The following AGBL4 variants were observed in gnomAD, a reference collection of about 807,000 sequenced individuals.
AGBL4 encodes AGBL carboxypeptidase 4, also known as cytosolic carboxypeptidase 6.
A neutral mutation model predicts 66.4 loss-of-function variants in AGBL4; 58 were observed. The observed-to-expected ratio is 0.87, with a 90% CI of 0.71 to 1.09. The LOEUF (loss-of-function observed/expected upper bound fraction) is 1.09, where lower values mean the gene tolerates loss of function less well. AGBL4 is among the 50% of genes least tolerant of loss of function. The pLI is 0.00. For missense variants in AGBL4, 579 were observed against 631.0 expected, an observed-to-expected ratio of 0.92 and a Z score of 0.88; for synonymous variants, 234 against 222.9, an observed-to-expected ratio of 1.05 and a Z score of -0.44.
At chr1:48,826,625 GA>G (rs1646432014) in intron 6 of AGBL4, among the ~76,000 whole-genome samples, 1 of 152,244 alleles carries the variant, frequency 6.6e-6, no homozygotes. Context: ...GAGGAGGCTG[GA>G]AAGTTAGAGG....
chr1:49,785,688 A>G (rs971971971), intron 2 of AGBL4, among the ~76,000 whole-genome samples: 1 of 151,796 alleles, frequency 6.6e-6, no homozygotes, highest in Non-Finnish European at 1.5e-5. Context: ...GTTGAAAACT[A>G]TTTCCAATGG....
At chr1:49,978,235 G>A (rs555496889) in intron 1 of AGBL4, among the ~76,000 whole-genome samples, 1 of 152,202 alleles carries the variant, frequency 6.6e-6, no homozygotes, top group South Asian at 2.1e-4. Context: ...GATTGCTTGA[G>A]GCCAGGAATT....
At chr1:49,771,094 T>C (rs969839310) in intron 2 of AGBL4, among the ~76,000 whole-genome samples, 3 of 152,140 alleles carry the variant, frequency 2.0e-5, no homozygotes, top group African/African-American at 7.2e-5. Context: ...CATGATTAGG[T>C]TATTCATTAG....
At chr1:49,345,145 TA>T (rs1173010430) in intron 3 of AGBL4, among the ~76,000 whole-genome samples, 6 of 152,184 alleles carry the variant, frequency 3.9e-5, no homozygotes, top group Non-Finnish European at 8.8e-5. Context: ...TTGTCAAATA[TA>T]AAACACTGTT....
At chr1:49,759,153 T>A (rs964488702) in intron 2 of AGBL4, among the ~76,000 whole-genome samples, 9 of 152,200 alleles carry the variant, frequency 5.9e-5, no homozygotes, top group African/African-American at 2.2e-4. Flanking sequence ...GCCAGGCAGA[T>A]CTGTGAGTCT....
intron 6 of AGBL4, among the ~76,000 whole-genome samples, chr1:48,862,018 CA>C (rs1460532768): frequency 6.6e-6 from 1 of 152,192 alleles, no homozygotes; most frequent in Non-Finnish European, 1.5e-5. Flanking sequence ...ACACTCTTTA[CA>C]GGGCAAATTT....
chr1:48,682,410 CTTTTT>C (rs529391743), intron 6 of AGBL4, among the ~76,000 whole-genome samples: 1 of 140,666 alleles, frequency 7.1e-6, no homozygotes, highest in Non-Finnish European at 1.6e-5. Flanking sequence ...CAGCACATCT[CTTTTT>C]TTTTTTTTTT....
At chr1:49,875,056 A>C (rs1204491977) in intron 1 of AGBL4, among the ~76,000 whole-genome samples, 1 of 144,860 alleles carries the variant, frequency 6.9e-6, no homozygotes, top group Non-Finnish European at 1.5e-5. Flanking sequence ...ATTTCCACCT[A>C]TGAGTGAGAA....
At chr1:49,441,063 T>C (rs1646017940) in intron 3 of AGBL4, among the ~76,000 whole-genome samples, 1 of 152,054 alleles carries the variant, frequency 6.6e-6, no homozygotes, top group South Asian at 2.1e-4. Flanking sequence ...GGCAAAATAA[T>C]GTTCATTCTC....
chr1:49,850,548 A>C (rs141053909), intron 2 of AGBL4, among the ~76,000 whole-genome samples: 7 of 152,152 alleles, frequency 4.6e-5, no homozygotes, highest in African/African-American at 1.7e-4. Context: ...GCCTTATCAA[A>C]CCTATACAAT....
At chr1:48,750,916 C>A (rs1238445576) in intron 6 of AGBL4, among the ~76,000 whole-genome samples, 1 of 152,070 alleles carries the variant, frequency 6.6e-6, no homozygotes, top group East Asian at 1.9e-4. Context: ...CTCAGAGTAC[C>A]CCCTGGAGCA....
At chr1:49,707,115 C>T (rs548246003) in intron 2 of AGBL4, among the ~76,000 whole-genome samples, 15 of 151,970 alleles carry the variant, frequency 9.9e-5, no homozygotes, top group South Asian at 2.1e-4. Context: ...TTTTCTGTCT[C>T]GTTGATCTGT....
chr1:49,257,549 G>C (rs907021987), intron 3 of AGBL4: 5 of 152,916 alleles, frequency 3.3e-5, no homozygotes, highest in Non-Finnish European at 5.8e-5. Flanking sequence ...GGGTGGGAGT[G>C]ACCCGATTTT....
chr1:49,157,688 T>C (rs1646460934), intron 4 of AGBL4, among the ~76,000 whole-genome samples: 1 of 152,160 alleles, frequency 6.6e-6, no homozygotes, highest in Non-Finnish European at 1.5e-5. Flanking sequence ...CTAATTTAAA[T>C]TCCCACCAAC....
At chr1:49,534,453 C>T (rs1189907082) in intron 3 of AGBL4, among the ~76,000 whole-genome samples, 1 of 152,180 alleles carries the variant, frequency 6.6e-6, no homozygotes, top group Non-Finnish European at 1.5e-5. Flanking sequence ...CTCACATACA[C>T]CTTTCCCAAA....
At chr1:49,506,694 G>A (rs1648719635) in intron 3 of AGBL4, among the ~76,000 whole-genome samples, 1 of 152,014 alleles carries the variant, frequency 6.6e-6, no homozygotes, top group Non-Finnish European at 1.5e-5. Context: ...TATTACCTGT[G>A]TAAGAGTGGA....
intron 3 of AGBL4, among the ~76,000 whole-genome samples, chr1:49,653,600 A>G (rs1046809754): frequency 1.3e-5 from 2 of 151,968 alleles, no homozygotes; most frequent in Non-Finnish European, 2.9e-5. Flanking sequence ...TGTTAACTAG[A>G]AAATAAAACA....
intron 3 of AGBL4, among the ~76,000 whole-genome samples, chr1:49,562,023 C>A (rs1185148370): frequency 6.6e-6 from 1 of 152,112 alleles, no homozygotes; most frequent in Non-Finnish European, 1.5e-5. Context: ...GATGGTATCT[C>A]ATTGTGGTTT....
intron 4 of AGBL4, among the ~76,000 whole-genome samples, chr1:49,053,400 T>C (rs906451231): frequency 5.3e-5 from 8 of 152,152 alleles, no homozygotes; most frequent in Non-Finnish European, 1.0e-4. Flanking sequence ...TACCTTCAGT[T>C]TCCAAATGGT....
Sources: allele counts gnomAD v4.1 joint callset (sites outside exome capture counted in the v4.1 genomes callset), GRCh38; gene constraint gnomAD v4.1.1; transcripts MANE v1.5; gene names NCBI Gene and HGNC (gene_info 2026-07-23, HGNC 2026-07-21).